Variants in SEPHS1 observed in about 807,000 individuals in gnomAD.
SEPHS1 encodes the protein zincore component SEPHS1.
A neutral mutation model predicts 39.2 loss-of-function variants in SEPHS1; 7 were observed. The ratio of observed to expected loss-of-function variants is 0.18; its 90% CI spans 0.10 to 0.34. The LOEUF (loss-of-function observed/expected upper bound fraction) is 0.34, where lower values mean the gene tolerates loss of function less well. Among genes scored for constraint, SEPHS1 ranks in the 10% least tolerant of loss-of-function variants. The pLI, the probability that SEPHS1 is intolerant of heterozygous loss-of-function variation, is 1.00. For synonymous variants in SEPHS1, 190 were observed against 195.5 expected (o/e 0.97, Z 0.23); for missense variants, 253 against 514.5 (o/e 0.49, Z 4.92).
intron 7 of SEPHS1, among the ~76,000 whole-genome samples, chr10:13,324,734 C>T (rs1161028591): frequency 6.6e-6 from 1 of 152,224 alleles, no homozygotes; most frequent in Non-Finnish European, 1.5e-5. Flanking sequence ...ACCTCAGCTT[C>T]CCAAGTAGCT....
In SEPHS1 at chr10:13,348,133, G is replaced by GGGGCCC. The variant is rs1228586303; in HGVS notation, c.-218_-213dup. 1 of 145,174 alleles carries GGGGCCC rather than the reference G, an allele frequency of 6.9e-6. No homozygotes were observed. The highest frequency in any genetic ancestry group is 1.5e-5 in the Non-Finnish European group (1 of 65,438). The allele number at this position is 145,174 out of a possible 1,614,324, so 9.0% of individuals were successfully genotyped here. On this transcript the variant is annotated 5_prime_UTR_variant, in exon 1 of 9. Transcript: ENST00000327347. The stretch of plus-strand genomic sequence containing the variant: ...GCGCCCGGCGGCGGCGGCGGCGGCG[G>GGGGCCC]GGGCCCGGGCCCGCGCCTGGGCGCC...
chr10:13,336,200 G>C, intron 4 of SEPHS1, 43 bp downstream of exon 4: 1 of 1,392,476 alleles, frequency 7.2e-7, no homozygotes. Flanking sequence ...AGATGCCACC[G>C]GGACAACACG....
At chr10:13,341,513 T>A (rs1833784538) in intron 2 of SEPHS1, among the ~76,000 whole-genome samples, 2 of 151,036 alleles carry the variant, frequency 1.3e-5, no homozygotes, top group Non-Finnish European at 2.9e-5. Flanking sequence ...GCAACAAATG[T>A]CTCTGGTTCT....
chr10:13,337,126 G>A (rs933489863), intron 3 of SEPHS1, among the ~76,000 whole-genome samples: 2 of 151,936 alleles, frequency 1.3e-5, no homozygotes, highest in Admixed American at 6.6e-5. Flanking sequence ...ACTCTAGCCT[G>A]GGCAACAGAG....
At position 13,317,569 on chromosome 10, in the gene SEPHS1, T is replaced by C. The variant is rs1341694295; in HGVS notation, c.*1573A>G. On this transcript the variant is annotated 3_prime_UTR_variant, in exon 9 of 9. Coordinates refer to ENST00000327347, the MANE Select transcript of SEPHS1 (RefSeq NM_012247.5). The stretch of plus-strand genomic sequence containing the variant: ...GCAGGCTCTTCCATACTGCACACCA[T>C]GCTTATGGCTGGAGGTCCAGTTACA... 2.6e-5 allele frequency: 4 copies of C among 152,192 alleles called. No homozygotes were observed. The highest frequency in any genetic ancestry group is 4.8e-5 in the African/African-American group (2 of 41,448). 9.4% of individuals were successfully genotyped at this position (152,192 alleles called of 1,614,324 possible). A position where few individuals can be genotyped will look rare whatever the true frequency, so the allele number is the denominator to read the frequency against.
Position 13,336,451 on chromosome 10 carries a change from T to C in SEPHS1, c.298-101A>G, listed in dbSNP as rs547315070. On this transcript the variant is annotated intron_variant, in intron 3 of 8. Transcript: ENST00000327347. ...GACTCCACAGAGAACGTGGAGACTTTCCAGGAGTAGCAGCTACTAGGATGG... is the reference window on the plus strand; with the variant it reads ...GACTCCACAGAGAACGTGGAGACTTCCCAGGAGTAGCAGCTACTAGGATGG... 3 of 821,926 alleles carry C rather than the reference T, an allele frequency of 3.6e-6. No individual in the cohort carries two copies. The Admixed American group carries it at 6.0e-5, about 16-fold the overall frequency. The allele number at this position is 821,926 out of a possible 1,614,324, so 50.9% of individuals were successfully genotyped here. A position where few individuals can be genotyped will look rare whatever the true frequency, so the allele number is the denominator to read the frequency against.
At chr10:13,333,288 C>T (rs1354258769) in intron 5 of SEPHS1, among the ~76,000 whole-genome samples, 1 of 151,956 alleles carries the variant, frequency 6.6e-6, no homozygotes, top group Non-Finnish European at 1.5e-5. Flanking sequence ...CATGTACCAT[C>T]ATGCCTGGCT....
At chr10:13,339,245 A>G (rs1291406025) in intron 2 of SEPHS1, among the ~76,000 whole-genome samples, 4 of 152,246 alleles carry the variant, frequency 2.6e-5, no homozygotes, top group African/African-American at 9.6e-5. Flanking sequence ...TTGTCCCATC[A>G]GAAACCATGT....
Position 13,338,728 on chromosome 10 carries a change from T to C in SEPHS1, c.274A>G (p.Ile92Val). The part of the protein sequence containing the change: ...LVQTTDYIYP[I>V]VDDPYMMGRI... ...ACCATCATGTAAGGGTCGTCTACGA[T>C]CGGGTAAATGTAATCTGTGGTTTGA... The change falls in exon 3 of 9, where the codon ATC (isoleucine) becomes GTC (valine). Residue 92 changes from isoleucine to valine, a missense_variant. Physicochemically the swap from Ile to Val is conservative, Grantham distance 29 (BLOSUM62 3). Transcript: ENST00000327347. 1 of 1,613,976 alleles carries C rather than the reference T, an allele frequency of 6.2e-7. No individual in the cohort carries two copies. The highest frequency in any genetic ancestry group is 8.5e-7 in the Non-Finnish European group (1 of 1,179,902).
intron 8 of SEPHS1, among the ~76,000 whole-genome samples, chr10:13,321,871 C>T (rs1418655641): frequency 6.6e-6 from 1 of 152,038 alleles, no homozygotes; most frequent in African/African-American, 2.4e-5. Context: ...ACAGATGTGG[C>T]CACCAAATTA....
At chr10:13,329,323 A>G (rs1279363834) in intron 6 of SEPHS1, among the ~76,000 whole-genome samples, 1 of 152,222 alleles carries the variant, frequency 6.6e-6, no homozygotes, top group African/African-American at 2.4e-5. Flanking sequence ...AACTGTCAAT[A>G]ACCCTGGTTT....
intron 6 of SEPHS1, 127 bp downstream of exon 6, chr10:13,329,571 T>TA (rs1833408472): frequency 1.5e-6 from 1 of 646,182 alleles, no homozygotes; most frequent in South Asian, 2.1e-5. Flanking sequence ...AGGATTTCTT[T>TA]AAGGACTTGA....
chr10:13,329,583 T>A lies in SEPHS1; in HGVS notation c.651+115A>T, dbSNP rs573291979. 145 of 701,210 alleles carry A rather than the reference T, an allele frequency of 2.1e-4. No individual in the cohort carries two copies. In the African/African-American group the frequency reaches 2.4e-3, roughly 12 times the overall value. The allele number at this position is 701,210 out of a possible 1,614,324, so 43.4% of individuals were successfully genotyped here. A position where few individuals can be genotyped will look rare whatever the true frequency, so the allele number is the denominator to read the frequency against. The stretch of plus-strand genomic sequence containing the variant: ...CCTAGGATTTCTTTAAGGACTTGAC[T>A]AATATTAACTCCCTGGATATGAAAC... On this transcript the variant is annotated intron_variant, in intron 6 of 8. Coordinates refer to ENST00000327347, the MANE Select transcript of SEPHS1 (RefSeq NM_012247.5).
intron 1 of SEPHS1, among the ~76,000 whole-genome samples, chr10:13,346,181 T>C (rs978783611): frequency 4.6e-5 from 7 of 152,236 alleles, no homozygotes; most frequent in African/African-American, 1.7e-4. Context: ...GTACCACCGT[T>C]AGGTTTCTGG....
intron 5 of SEPHS1, 39 bp from the exon 6 acceptor site, chr10:13,329,827 C>G: frequency 6.8e-7 from 1 of 1,463,578 alleles, no homozygotes; most frequent in Non-Finnish European, 9.5e-7. Flanking sequence ...TCAAACTAAC[C>G]AAGGAGATGA....
intron 4 of SEPHS1, among the ~76,000 whole-genome samples, chr10:13,334,362 G>A (rs1441116427): frequency 6.6e-6 from 1 of 152,104 alleles, no homozygotes; most frequent in Non-Finnish European, 1.5e-5. Context: ...CCAACATGGT[G>A]AAACCCCGTC....
At position 13,332,655 on chromosome 10, in the gene SEPHS1, A is replaced by C. The variant is rs186073629; in HGVS notation, c.560+1162T>G. Among the ~76,000 whole-genome samples, 25 of 152,142 alleles carry C rather than the reference A, an allele frequency of 1.6e-4. No individual in the cohort carries two copies. In the East Asian group the frequency reaches 4.8e-3, roughly 29 times the overall value. On this transcript the variant is annotated intron_variant, in intron 5 of 8. Transcript: ENST00000327347. ...TCAGGAGATCGAGACCATCCTGCCTAACATGGTGAAACCCCATCTCTACTA... is the reference window on the plus strand; with the variant it reads ...TCAGGAGATCGAGACCATCCTGCCTCACATGGTGAAACCCCATCTCTACTA...
In SEPHS1 at chr10:13,327,240, CAAAA is replaced by C. The variant is rs34788028; in HGVS notation, c.751+1107_751+1110del. 5.6e-3 allele frequency among the ~76,000 whole-genome samples: 464 copies of C among 82,742 alleles called. 2 individuals carry two copies. Among genetic ancestry groups the C allele is most frequent in the African/African-American group, 0.024 (441 of 18,702 alleles). 54.3% of individuals were successfully genotyped at this position (82,742 alleles called of 152,430 possible). A position where few individuals can be genotyped will look rare whatever the true frequency, so the allele number is the denominator to read the frequency against. On this transcript the variant is annotated intron_variant, in intron 7 of 8. Transcript: ENST00000327347. ...TGGGCGACAGAGTTAGATTCTGTCTCAAAAAAAAAAAAAAAAAAAAAAAAAAAGT... is the reference window on the plus strand; with the variant it reads ...TGGGCGACAGAGTTAGATTCTGTCTCAAAAAAAAAAAAAAAAAAAAAAAGT...
chr10:13,339,674 G>C (rs1316671247), intron 2 of SEPHS1, among the ~76,000 whole-genome samples: 1 of 152,066 alleles, frequency 6.6e-6, no homozygotes, highest in African/African-American at 2.4e-5. Context: ...ATCCACAGAT[G>C]CTCAAATCCC....
Sources: allele counts gnomAD v4.1 joint callset (sites outside exome capture counted in the v4.1 genomes callset), GRCh38; gene constraint gnomAD v4.1.1; transcripts MANE v1.5; gene names NCBI Gene and HGNC (gene_info 2026-07-23, HGNC 2026-07-21).